The following PRKG1 variants were observed in gnomAD, a reference collection of about 807,000 sequenced individuals.
PRKG1 encodes the protein cGMP-dependent protein kinase 1.
Under a neutral mutation model 88.1 loss-of-function variants are expected in PRKG1, and 35 were observed. That is an observed-to-expected ratio of 0.40 (90% CI 0.30 to 0.53). The LOEUF (loss-of-function observed/expected upper bound fraction) is 0.53. Ranked by LOEUF, PRKG1 falls within the 20% of genes least tolerant of loss-of-function variation. PRKG1 has a pLI of 0.59. For synonymous variants in PRKG1, 303 were observed against 292.5 expected (o/e 1.04, Z -0.37); for missense variants, 540 against 839.8 (o/e 0.64, Z 4.41).
intron 3 of PRKG1, among the ~76,000 whole-genome samples, chr10:51,559,363 G>C (rs1367943340): frequency 6.6e-6 from 1 of 152,082 alleles, no homozygotes; most frequent in Non-Finnish European, 1.5e-5. Context: ...ACTTGAGGAA[G>C]TAAATAATGC....
At chr10:51,968,157 A>G (rs1035423365) in intron 5 of PRKG1, among the ~76,000 whole-genome samples, 2 of 152,186 alleles carry the variant, frequency 1.3e-5, no homozygotes, top group Admixed American at 1.3e-4. Context: ...AGAGATGCAG[A>G]TCTTGCCTTA....
At chr10:51,401,470 A>G (rs964238543) in intron 2 of PRKG1, among the ~76,000 whole-genome samples, 5 of 152,140 alleles carry the variant, frequency 3.3e-5, no homozygotes, top group Middle Eastern at 3.4e-3. Context: ...TTCCATATTC[A>G]CTGGCTCCTT....
intron 9 of PRKG1, among the ~76,000 whole-genome samples, chr10:52,173,978 A>C (rs1589672912): frequency 6.6e-6 from 1 of 152,134 alleles, no homozygotes; most frequent in East Asian, 1.9e-4. Context: ...ATGACCCTGA[A>C]AATTTGGTTC....
intron 3 of PRKG1, among the ~76,000 whole-genome samples, chr10:51,728,654 G>GCTATAATAGC: frequency 6.6e-6 from 1 of 151,984 alleles, no homozygotes. Flanking sequence ...CATAAAAAGT[G>GCTATAATAGC]TTATATAAGT....
At chr10:51,113,378 T>C (rs1316411683) in intron 1 of PRKG1, among the ~76,000 whole-genome samples, 1 of 152,186 alleles carries the variant, frequency 6.6e-6, no homozygotes, top group Non-Finnish European at 1.5e-5. Context: ...AGGGTGGCAG[T>C]GTGTTATTCA....
chr10:51,389,407 G>A (rs186316879), intron 2 of PRKG1, among the ~76,000 whole-genome samples: 2 of 152,144 alleles, frequency 1.3e-5, no homozygotes, highest in African/African-American at 2.4e-5. Context: ...TTCAAACACC[G>A]ATCATTCTTT....
At chr10:52,094,692 T>C (rs1338477646) in intron 7 of PRKG1, among the ~76,000 whole-genome samples, 1 of 152,160 alleles carries the variant, frequency 6.6e-6, no homozygotes, top group Non-Finnish European at 1.5e-5. Flanking sequence ...CTTCCTGGCT[T>C]GCAGACAGCT....
At chr10:51,869,042 T>C (rs1841089526) in intron 4 of PRKG1, among the ~76,000 whole-genome samples, 1 of 152,224 alleles carries the variant, frequency 6.6e-6, no homozygotes, top group Non-Finnish European at 1.5e-5. Flanking sequence ...TTGGGTCTTT[T>C]TCTTTTACGG....
chr10:51,808,018 G>T (rs2132617680), intron 4 of PRKG1, among the ~76,000 whole-genome samples: 1 of 152,212 alleles, frequency 6.6e-6, no homozygotes, highest in Admixed American at 6.5e-5. Context: ...CACATCCCCA[G>T]GTTAGCTATA....
chr10:51,696,578 G>A (rs1413859272), intron 3 of PRKG1: 1 of 152,130 alleles, frequency 6.6e-6, no homozygotes, highest in Admixed American at 6.5e-5. Context: ...ATGCTTGGAT[G>A]CTCGAGGCCT....
chr10:51,756,460 A>G (rs1043954504), intron 3 of PRKG1, among the ~76,000 whole-genome samples: 1 of 141,018 alleles, frequency 7.1e-6, no homozygotes, highest in Non-Finnish European at 1.5e-5. Context: ...GCACTCCAGC[A>G]TGGGCAACAG....
At chr10:51,907,695 A>G in intron 5 of PRKG1, 125 bp downstream of exon 5, 1 of 753,100 alleles carries the variant, frequency 1.3e-6, no homozygotes, top group Non-Finnish European at 2.2e-6. Flanking sequence ...AAGCTCTGGG[A>G]TGAGCTATAT....
At chr10:51,907,945 C>A (rs1167700746) in intron 5 of PRKG1, 1 of 165,924 alleles carries the variant, frequency 6.0e-6, no homozygotes, top group African/African-American at 2.4e-5. Context: ...TAGTTGGGCA[C>A]ATATTTTATT....
At chr10:51,178,109 C>T (rs1193935987) in intron 2 of PRKG1, among the ~76,000 whole-genome samples, 1 of 152,080 alleles carries the variant, frequency 6.6e-6, no homozygotes, top group Admixed American at 6.6e-5. Flanking sequence ...ACTCAAATGT[C>T]TGTCTGCTAC....
chr10:51,145,426 A>G (rs759202059), intron 1 of PRKG1, among the ~76,000 whole-genome samples: 7 of 150,762 alleles, frequency 4.6e-5, no homozygotes, highest in Non-Finnish European at 1.5e-5. Context: ...TTAATAGATC[A>G]GGCCACATAG....
At chr10:51,030,031 A>G (rs1224721895) in intron 1 of PRKG1, among the ~76,000 whole-genome samples, 1 of 152,138 alleles carries the variant, frequency 6.6e-6, no homozygotes, top group Admixed American at 6.6e-5. Flanking sequence ...ATAGCAAACA[A>G]CTATTAATTG....
chr10:51,661,865 G>A (rs1840308113), intron 3 of PRKG1, among the ~76,000 whole-genome samples: 1 of 152,176 alleles, frequency 6.6e-6, no homozygotes, highest in African/African-American at 2.4e-5. Flanking sequence ...TTAAGAAAAT[G>A]TGGCACATAT....
chr10:51,948,105 A>G (rs1270856623), intron 5 of PRKG1, among the ~76,000 whole-genome samples: 1 of 152,134 alleles, frequency 6.6e-6, no homozygotes, highest in African/African-American at 2.4e-5. Context: ...GAGATTTATG[A>G]CAACATTTCT....
chr10:51,554,242 T>TAATGC (rs1837244004), intron 3 of PRKG1, among the ~76,000 whole-genome samples: 2 of 147,410 alleles, frequency 1.4e-5, no homozygotes, highest in Non-Finnish European at 3.0e-5. Flanking sequence ...ATGATATGTA[T>TAATGC]ATATATTATA....
Sources: gnomAD v4.1 joint callset for allele counts (sites outside exome capture counted in the v4.1 genomes callset) on GRCh38, gnomAD v4.1.1 for gene constraint, MANE v1.5 for transcripts, NCBI Gene and HGNC (gene_info 2026-07-23, HGNC 2026-07-21) for gene names.